The following LRGUK variants were observed in gnomAD, a reference collection of about 807,000 sequenced individuals.
LRGUK encodes leucine rich repeats and guanylate kinase domain containing.
In LRGUK, 65 loss-of-function variants were observed where a neutral mutation model predicts 76.0. The observed-to-expected ratio is 0.85, with a 90% confidence interval of 0.70 to 1.05. The LOEUF (loss-of-function observed/expected upper bound fraction) is 1.05, where lower values mean the gene tolerates loss of function less well. Ranked by LOEUF, LRGUK falls within the 50% of genes least tolerant of loss-of-function variation. LRGUK has a pLI of 0.00. For missense variants in LRGUK, 758 were observed against 732.8 expected (o/e 1.03, Z -0.40); for synonymous variants, 268 against 265.6 (o/e 1.01, Z -0.09).
intron 4 of LRGUK, 143 bp from the exon 5 acceptor site, chr7:134,148,095 G>T: frequency 1.5e-5 from 8 of 524,318 alleles, no homozygotes; most frequent in East Asian, 4.0e-5. Flanking sequence ...AAAGACAGAT[G>T]ATTCTTTTAG....
chr7:134,213,110 C>T (rs189948876), downstream of LRGUK, among the ~76,000 whole-genome samples: 1 of 152,296 alleles, frequency 6.6e-6, no homozygotes, highest in East Asian at 1.9e-4. Flanking sequence ...GAGGCACGCG[C>T]AGGCATAGCA....
At chr7:134,181,291 A>G (rs1799734636) in intron 10 of LRGUK, among the ~76,000 whole-genome samples, 2 of 152,150 alleles carry the variant, frequency 1.3e-5, no homozygotes, top group African/African-American at 4.8e-5. Flanking sequence ...TTCATGATCC[A>G]CACCTTTTTC....
intron 16 of LRGUK, among the ~76,000 whole-genome samples, chr7:134,242,651 T>A (rs1423436306): frequency 6.6e-6 from 1 of 152,194 alleles, no homozygotes; most frequent in Non-Finnish European, 1.5e-5. Flanking sequence ...CCATTCCTTC[T>A]GAAATTATTC....
chr7:134,234,280 T>C (rs1421477), intron 16 of LRGUK, among the ~76,000 whole-genome samples: 135,992 of 151,860 alleles, frequency 0.9, 60,974 homozygotes, highest in Admixed American at 0.93. Context: ...AGTCTCTTGG[T>C]GATGTCACAC....
chr7:134,205,096 C>T (rs112510629), intron 15 of LRGUK, among the ~76,000 whole-genome samples: 6 of 152,136 alleles, frequency 3.9e-5, no homozygotes, highest in African/African-American at 1.2e-4. Flanking sequence ...CCGCTGCTGG[C>T]GGGGGTGGCC....
At chr7:134,154,728 A>G (rs535676451) in intron 5 of LRGUK, among the ~76,000 whole-genome samples, 97 of 152,336 alleles carry the variant, frequency 6.4e-4, no homozygotes, top group African/African-American at 2.3e-3. Flanking sequence ...CAGAAACCAT[A>G]GGTATGATTG....
chr7:134,273,588 G>A, the LRGUK span, among the ~76,000 whole-genome samples: 2 of 151,990 alleles, frequency 1.3e-5, no homozygotes, highest in Non-Finnish European at 2.9e-5. Flanking sequence ...AGGTTGAATG[G>A]GGGCTTTCTA....
intron 16 of LRGUK, among the ~76,000 whole-genome samples, chr7:134,226,170 T>G (rs1186390217): frequency 1.3e-5 from 2 of 151,874 alleles, no homozygotes; most frequent in Non-Finnish European, 2.9e-5. Context: ...TTGCAAACTA[T>G]TATGAGGGCT....
chr7:134,202,356 T>C (rs1009774035), intron 15 of LRGUK, among the ~76,000 whole-genome samples: 1 of 150,924 alleles, frequency 6.6e-6, no homozygotes, highest in African/African-American at 2.4e-5. Flanking sequence ...TTGGCAAGGA[T>C]GTGGAGAAAT....
intron 7 of LRGUK, among the ~76,000 whole-genome samples, chr7:134,173,612 C>CT (rs970606780): frequency 4.9e-4 from 74 of 149,972 alleles, no homozygotes; most frequent in Non-Finnish European, 8.5e-4. Context: ...GTCAAGCAAT[C>CT]TTTTTTTTTT....
At chr7:134,206,890 G>A (rs1337896403) in intron 15 of LRGUK, among the ~76,000 whole-genome samples, 3 of 152,124 alleles carry the variant, frequency 2.0e-5, no homozygotes, top group African/African-American at 7.2e-5. Flanking sequence ...CTGACTAATG[G>A]TAGAAAGAAA....
chr7:134,228,160 C>T (rs113315199), intron 16 of LRGUK, among the ~76,000 whole-genome samples: 1 of 152,156 alleles, frequency 6.6e-6, no homozygotes, highest in East Asian at 1.9e-4. Context: ...AGGTTGACAG[C>T]GACTTTCCAA....
chr7:134,144,185 T>C (rs1054252219), intron 4 of LRGUK, among the ~76,000 whole-genome samples: 3 of 152,176 alleles, frequency 2.0e-5, no homozygotes, highest in African/African-American at 7.2e-5. Flanking sequence ...CAGGCTGGAG[T>C]GCAGTGGCGC....
intron 12 of LRGUK, among the ~76,000 whole-genome samples, chr7:134,192,478 TG>T (rs1230404364): frequency 3.3e-5 from 5 of 152,244 alleles, no homozygotes; most frequent in Non-Finnish European, 7.3e-5. Flanking sequence ...TGCATTTGTT[TG>T]TTTTTTACTG....
chr7:134,268,406 C>T (rs1414260224), downstream of LRGUK, among the ~76,000 whole-genome samples: 2 of 152,070 alleles, frequency 1.3e-5, no homozygotes. Flanking sequence ...CACAAACTCC[C>T]ATAACTCATG....
At chr7:134,259,217 T>C (rs2117227347) in intron 19 of LRGUK, among the ~76,000 whole-genome samples, 1 of 152,258 alleles carries the variant, frequency 6.6e-6, no homozygotes, top group East Asian at 1.9e-4. Context: ...AGAGGCAGAA[T>C]GGCCATTGCA....
intron 5 of LRGUK, among the ~76,000 whole-genome samples, chr7:134,155,588 GAATTTTC>G (rs1489128220): frequency 7.2e-5 from 11 of 152,168 alleles, no homozygotes; most frequent in Non-Finnish European, 1.0e-4. Flanking sequence ...TCCCAGCCTT[GAATTTTC>G]CATTTCTGTG....
chr7:134,174,074 A>T (rs1245373910), intron 7 of LRGUK, among the ~76,000 whole-genome samples: 4 of 147,748 alleles, frequency 2.7e-5, no homozygotes. Flanking sequence ...ACAGCACTGC[A>T]CTCCAGCCTG....
intron 8 of LRGUK, among the ~76,000 whole-genome samples, chr7:134,175,943 C>A (rs892045638): frequency 6.6e-6 from 1 of 151,864 alleles, no homozygotes; most frequent in African/African-American, 2.4e-5. Context: ...TAAATAATAA[C>A]AAAATAATAT....
Sources: allele counts gnomAD v4.1 joint callset (sites outside exome capture counted in the v4.1 genomes callset), GRCh38; gene constraint gnomAD v4.1.1; transcripts MANE v1.5; gene names NCBI Gene and HGNC (gene_info 2026-07-23, HGNC 2026-07-21).